Variants in PDE4B observed in about 807,000 individuals in gnomAD.
The protein encoded by PDE4B is 3',5'-cyclic-AMP phosphodiesterase 4B.
Under a neutral mutation model 82.2 loss-of-function variants are expected in PDE4B, and 20 were observed. The ratio of observed to expected loss-of-function variants is 0.24; its 90% CI spans 0.17 to 0.35. The LOEUF is 0.35. PDE4B is among the 10% of genes least tolerant of loss of function. The pLI is 1.00. For missense variants in PDE4B, 655 were observed against 907.2 expected (o/e 0.72, Z 3.57); for synonymous variants, 320 against 318.9 (o/e 1.00, Z -0.04).
intron 3 of PDE4B, among the ~76,000 whole-genome samples, chr1:66,093,302 A>T (rs1254564239): frequency 6.6e-6 from 1 of 152,062 alleles, no homozygotes; most frequent in Non-Finnish European, 1.5e-5. Context: ...ACGTATTTGT[A>T]TATACATTAT....
intron 8 of PDE4B, among the ~76,000 whole-genome samples, chr1:66,350,475 G>T (rs1412789662): frequency 1.3e-5 from 2 of 152,036 alleles, no homozygotes; most frequent in Non-Finnish European, 2.9e-5. Context: ...TTGATAGGGT[G>T]AAGAATAGTT....
At chr1:66,158,408 A>G (rs1646543557) in intron 3 of PDE4B, among the ~76,000 whole-genome samples, 1 of 152,226 alleles carries the variant, frequency 6.6e-6, no homozygotes, top group Admixed American at 6.5e-5. Context: ...AGGTATGTCA[A>G]AAAAATATTC....
intron 1 of PDE4B, among the ~76,000 whole-genome samples, chr1:65,806,265 A>G (rs183859351): frequency 9.6e-4 from 146 of 152,236 alleles, no homozygotes; most frequent in African/African-American, 3.4e-3. Context: ...TAGAATTTCT[A>G]TTACTTCTTA....
At chr1:66,278,352 A>G (rs114453229) in intron 7 of PDE4B, among the ~76,000 whole-genome samples, 41 of 152,348 alleles carry the variant, frequency 2.7e-4, no homozygotes, top group African/African-American at 7.9e-4. Flanking sequence ...ACTTGAAATA[A>G]CATCCGTGGA....
At chr1:66,030,109 C>T (rs540316645) in intron 3 of PDE4B, among the ~76,000 whole-genome samples, 1 of 150,642 alleles carries the variant, frequency 6.6e-6, no homozygotes, top group Non-Finnish European at 1.5e-5. Context: ...TTGGGATGAC[C>T]ATATGGTTTT....
Position 66,011,926 on chromosome 1 carries a change from T to C in PDE4B, c.281+93091T>C, listed in dbSNP as rs558971916. Among the ~76,000 whole-genome samples, 4 of 152,286 alleles carry C rather than the reference T, an allele frequency of 2.6e-5. No homozygotes were observed. The South Asian group carries it at 8.3e-4, about 32-fold the overall frequency. On this transcript the variant is annotated intron_variant, in intron 3 of 16. Coordinates refer to ENST00000341517, the MANE Select transcript of PDE4B (RefSeq NM_002600.4). ...TTGATGGATACATAAAGAATTTATATGCAGTTTTCTAGGTTAGCCTAGTTA... is the reference window on the plus strand; with the variant it reads ...TTGATGGATACATAAAGAATTTATACGCAGTTTTCTAGGTTAGCCTAGTTA...
intron 3 of PDE4B, among the ~76,000 whole-genome samples, chr1:66,227,766 C>G (rs572913141): frequency 2.8e-4 from 42 of 152,306 alleles, no homozygotes; most frequent in African/African-American, 1.0e-3. Context: ...CACTGAAATC[C>G]ACATTTTTAT....
intron 3 of PDE4B, among the ~76,000 whole-genome samples, chr1:66,214,378 G>T (rs992253993): frequency 1.3e-5 from 2 of 152,100 alleles, no homozygotes; most frequent in African/African-American, 4.8e-5. Context: ...TGAAGAGGAA[G>T]AAGGCAGTAA....
At chr1:66,224,984 T>C (rs754391148) in intron 3 of PDE4B, among the ~76,000 whole-genome samples, 1 of 152,238 alleles carries the variant, frequency 6.6e-6, no homozygotes, top group East Asian at 1.9e-4. Flanking sequence ...TCTACCAATG[T>C]GTTCTGCCTT....
chr1:65,816,990 CA>C (rs1317104456), intron 1 of PDE4B, among the ~76,000 whole-genome samples: 3 of 152,114 alleles, frequency 2.0e-5, no homozygotes, highest in Non-Finnish European at 2.9e-5. Flanking sequence ...AAACTGTGAA[CA>C]AAGTTTACTA....
intron 3 of PDE4B, among the ~76,000 whole-genome samples, chr1:66,126,411 C>A (rs1466002196): frequency 2.0e-5 from 3 of 151,986 alleles, no homozygotes; most frequent in South Asian, 4.2e-4. Flanking sequence ...CTCTATGTAC[C>A]CCCCTACACA....
At chr1:66,084,831 A>G (rs554275646) in intron 3 of PDE4B, among the ~76,000 whole-genome samples, 2 of 152,260 alleles carry the variant, frequency 1.3e-5, no homozygotes, top group Admixed American at 6.5e-5. Flanking sequence ...TCTGCTGGGA[A>G]CAAGGCAGAG....
At chr1:65,818,306 T>G (rs1056248008) in intron 1 of PDE4B, among the ~76,000 whole-genome samples, 1 of 152,198 alleles carries the variant, frequency 6.6e-6, no homozygotes, top group Non-Finnish European at 1.5e-5. Context: ...CTGTTTGCAT[T>G]CTATTCTTCA....
At chr1:66,290,972 C>T (rs766989415) in intron 7 of PDE4B, among the ~76,000 whole-genome samples, 1 of 152,146 alleles carries the variant, frequency 6.6e-6, no homozygotes, top group Non-Finnish European at 1.5e-5. Flanking sequence ...TACCTCACAG[C>T]TTTCCAGGTT....
chr1:65,906,145 G>A (rs1455452854), intron 1 of PDE4B, among the ~76,000 whole-genome samples: 1 of 152,124 alleles, frequency 6.6e-6, no homozygotes, highest in African/African-American at 2.4e-5. Flanking sequence ...TTTGAGGGTA[G>A]CATTAGAAGA....
At chr1:65,978,140 G>T (rs914140336) in intron 3 of PDE4B, among the ~76,000 whole-genome samples, 2 of 149,610 alleles carry the variant, frequency 1.3e-5, no homozygotes, top group Admixed American at 1.3e-4. Context: ...TGATTCTCCT[G>T]CCTCAGCCTC....
chr1:66,030,944 C>T (rs1653739386), intron 3 of PDE4B, among the ~76,000 whole-genome samples: 1 of 152,084 alleles, frequency 6.6e-6, no homozygotes, highest in Admixed American at 6.5e-5. Flanking sequence ...GAATGATAGA[C>T]CCTGGGGACC....
chr1:65,847,111 A>G (rs1646275979), intron 1 of PDE4B, among the ~76,000 whole-genome samples: 1 of 152,218 alleles, frequency 6.6e-6, no homozygotes, highest in Non-Finnish European at 1.5e-5. Flanking sequence ...TGCTTTTGTT[A>G]TGATCACTGT....
At chr1:66,026,490 A>G (rs1653440401) in intron 3 of PDE4B, among the ~76,000 whole-genome samples, 1 of 152,150 alleles carries the variant, frequency 6.6e-6, no homozygotes, top group Non-Finnish European at 1.5e-5. Context: ...TCTGCTACCT[A>G]TGGTAACAGG....
Sources: allele counts gnomAD v4.1 joint callset (sites outside exome capture counted in the v4.1 genomes callset), GRCh38; gene constraint gnomAD v4.1.1; transcripts MANE v1.5; gene names NCBI Gene and HGNC (gene_info 2026-07-23, HGNC 2026-07-21).